PGR: variants seen among roughly 807,000 people sequenced by gnomAD.
The protein encoded by PGR is progesterone receptor, also known as nuclear receptor subfamily 3 group C member 3.
In PGR, 25 loss-of-function variants were observed where a neutral mutation model predicts 76.1. The ratio of observed to expected loss-of-function variants is 0.33; its 90% confidence interval spans 0.24 to 0.46. PGR has a LOEUF of 0.46. Ranked by LOEUF, PGR falls within the 20% of genes least tolerant of loss-of-function variation. The pLI, the probability that PGR is intolerant of heterozygous loss-of-function variation, is 1.00. For missense variants in PGR, 1,172 were observed against 1,225.3 expected (o/e 0.96, Z 0.65); for synonymous variants, 579 against 535.0 (o/e 1.08, Z -1.14).
Position 101,128,741 on chromosome 11 carries a change from C to A in PGR, c.330G>T (p.Leu110=). ...SSSPPEKDSG[L]LDSVLDTLLA... ...ACAGAGTGTCCAAGACACTGTCCAG[C>A]AGTCCGCTGTCCTTTTCTGGGGGAC... The change falls in exon 1 of 8, where the codon CTG becomes CTT. Residue 110 remains leucine, a synonymous_variant. Coordinates refer to ENST00000325455, the MANE Select transcript of PGR (RefSeq NM_000926.4). 6.2e-7 allele frequency: 1 copy of A among 1,613,340 alleles called. No individual in the cohort carries two copies.
intron 7 of PGR, among the ~76,000 whole-genome samples, chr11:101,040,079 G>GT (rs915203801): frequency 2.0e-5 from 3 of 151,806 alleles, no homozygotes; most frequent in Non-Finnish European, 4.4e-5. Context: ...TTTTTTTATG[G>GT]TTTTCTGCTG....
chr11:101,069,544 T>C (rs201562136), intron 3 of PGR, among the ~76,000 whole-genome samples: 1 of 113,010 alleles, frequency 8.8e-6, no homozygotes, highest in African/African-American at 3.0e-5. Flanking sequence ...CATTGTACCA[T>C]AAGACACATG....
chr11:101,069,672 T>C (rs11600372), intron 3 of PGR, among the ~76,000 whole-genome samples: 17,685 of 152,206 alleles, frequency 0.12, 1,337 homozygotes, highest in Non-Finnish European at 0.16. Context: ...TGGAATACTA[T>C]GCAGCCATCA....
chr11:101,077,346 T>C (rs1861162077), intron 3 of PGR, among the ~76,000 whole-genome samples: 1 of 152,168 alleles, frequency 6.6e-6, no homozygotes, highest in Admixed American at 6.6e-5. Context: ...CTTCCATTTT[T>C]CAGGATTCAC....
Position 101,062,740 on chromosome 11 carries a change from T to G in PGR, c.1919A>C (p.Lys640Thr), listed in dbSNP as rs970530941. The change falls in exon 4 of 8, where the codon AAA becomes ACA. Residue 640 changes from lysine (K) to threonine (T), a missense_variant. Lys to Thr is a moderately conservative substitution (Grantham distance 78). This residue lies in a region of PGR where 73 missense variants were observed against 60.7 expected (regional missense o/e 1.20). Coordinates refer to ENST00000325455, the MANE Select transcript of PGR (RefSeq NM_000926.4). ...AGMVLGGRKFKKFNKVRVVRA... is the reference protein window; with the variant it reads ...AGMVLGGRKFTKFNKVRVVRA... ...CACAACTCTGACTTTATTGAACTTT[T>G]TAAATTTTCGACCTACAGAGAAGAA... is the stretch of plus-strand genomic sequence containing the variant. The G allele has an allele frequency of 6.2e-7, 1 of 1,611,902 alleles. No homozygotes were observed.
At position 101,036,542 on chromosome 11, in the gene PGR, T is replaced by A. The variant is rs1260843021; in HGVS notation, c.*2574A>T. ...AAATGAAGATAATGGTTATGATGAC[T>A]AAATAGTAATGGAGACATTAGTAGA... On this transcript the variant is annotated 3_prime_UTR_variant, in exon 8 of 8. Transcript: ENST00000325455. 5.0e-6 allele frequency: 1 copy of A among 198,890 alleles called. No individual in the cohort carries two copies. The highest frequency in any genetic ancestry group is 2.3e-5 in the African/African-American group (1 of 43,458). 12.3% of individuals were successfully genotyped at this position (198,890 alleles called of 1,614,324 possible).
intron 2 of PGR, among the ~76,000 whole-genome samples, chr11:101,106,480 G>A (rs572352857): frequency 6.6e-6 from 1 of 152,274 alleles, no homozygotes; most frequent in South Asian, 2.1e-4. Flanking sequence ...ATCATCACTA[G>A]TCATTAGAGA....
intron 4 of PGR, among the ~76,000 whole-genome samples, chr11:101,054,894 A>G (rs889325200): frequency 4.6e-5 from 7 of 152,118 alleles, no homozygotes; most frequent in Non-Finnish European, 8.8e-5. Context: ...TATGAAATCC[A>G]CCAGTCAGTT....
At position 101,037,662 on chromosome 11, in the gene PGR, G is replaced by C. The variant is rs1382743951; in HGVS notation, c.*1454C>G. 3 of 225,922 alleles carry C rather than the reference G, an allele frequency of 1.3e-5. No individual in the cohort carries two copies. Among genetic ancestry groups the C allele is most frequent in the Non-Finnish European group, 2.6e-5 (3 of 113,586 alleles). 14.0% of individuals were successfully genotyped at this position (225,922 alleles called of 1,614,324 possible). On this transcript the variant is annotated 3_prime_UTR_variant, in exon 8 of 8. Transcript: ENST00000325455. ...CTATGTTATAGTCAGTAAAGGGAGA[G>C]ATCTCACAAAGTAGGAAGCAAAGGT...
rs193251848 is a variant in PGR at position 101,116,899 on chromosome 11, C to T, written c.1789+9108G>A. Among the ~76,000 whole-genome samples, 344 of 152,202 alleles carry T rather than the reference C, an allele frequency of 2.3e-3. 3 individuals are homozygous for T. Among genetic ancestry groups the T allele is most frequent in the African/African-American group, 7.5e-3 (310 of 41,530 alleles). ...TTACCCAGAATGATATTGTTCCTTGCTTTTTCATAAAATCAAATATTTTAG... is the reference window on the plus strand; with the variant it reads ...TTACCCAGAATGATATTGTTCCTTGTTTTTTCATAAAATCAAATATTTTAG... On this transcript the variant is annotated intron_variant, in intron 2 of 7. Transcript: ENST00000325455.
Position 101,062,516 on chromosome 11 carries a change from G to A in PGR, c.2143C>T (p.Leu715=), listed in dbSNP as rs2135411088. 6.2e-6 allele frequency: 10 copies of A among 1,613,986 alleles called. No homozygotes were observed. Among genetic ancestry groups the A allele is most frequent in the Non-Finnish European group, 8.5e-6 (10 of 1,179,908 alleles). ...NTKPDTSSSL[L]TSLNQLGERQ... ...TCGCCTAGTTGATTAAGACTTGTCA[G>A]CAAAGAACTGGAGGTGTCAGGTTTT... Residue 715 remains leucine (L), a synonymous_variant, in exon 4 of 8, where the codon CTG becomes TTG. Transcript: ENST00000325455.
At chr11:101,088,710 T>C (rs1056888978) in intron 3 of PGR, among the ~76,000 whole-genome samples, 1 of 152,132 alleles carries the variant, frequency 6.6e-6, no homozygotes, top group South Asian at 2.1e-4. Context: ...AATAAATTGT[T>C]CTACTAGAAA....
In PGR at chr11:101,033,090, T is replaced by C. The variant is rs1859400830; in HGVS notation, c.*6026A>G. The stretch of plus-strand genomic sequence containing the variant: ...AGGCTTTAACTTAAACCCTTTGTGC[T>C]GATTTTTCTTATAAACATGCACAAC... On this transcript the variant is annotated 3_prime_UTR_variant, in exon 8 of 8. Transcript: ENST00000325455. The C allele has an allele frequency of 9.8e-6, 2 of 204,826 alleles. No homozygotes were observed. The highest frequency in any genetic ancestry group is 2.0e-5 in the Non-Finnish European group (2 of 100,110). 12.7% of individuals were successfully genotyped at this position (204,826 alleles called of 1,614,324 possible). A position where few individuals can be genotyped will look rare whatever the true frequency, so the allele number is the denominator to read the frequency against.
intron 3 of PGR, among the ~76,000 whole-genome samples, chr11:101,066,194 C>T (rs1860708159): frequency 6.6e-6 from 1 of 152,202 alleles, no homozygotes; most frequent in African/African-American, 2.4e-5. Context: ...GGTCATTCCT[C>T]TCCTTATCCC....
In PGR at chr11:101,029,721, T is replaced by A. The variant is rs1259634962; in HGVS notation, c.*9395A>T. 4.7e-6 allele frequency: 1 copy of A among 213,792 alleles called. No individual in the cohort carries two copies. Among genetic ancestry groups the A allele is most frequent in the Non-Finnish European group, 9.4e-6 (1 of 105,962 alleles). The allele number at this position is 213,792 out of a possible 1,614,324, so 13.2% of individuals were successfully genotyped here. ...AAAACATTATGTGAAGATGATTCAT[T>A]TCAAACCACCAGCCAATTTAACATA... On this transcript the variant is annotated 3_prime_UTR_variant, in exon 8 of 8. Transcript: ENST00000325455.
At chr11:101,084,819 G>T (rs1293246094) in intron 3 of PGR, among the ~76,000 whole-genome samples, 1 of 151,996 alleles carries the variant, frequency 6.6e-6, no homozygotes, top group Non-Finnish European at 1.5e-5. Context: ...AAAGAGCAGG[G>T]GTTGCTATTC....
chr11:101,049,782 T>C lies in PGR; in HGVS notation c.2488+147A>G, dbSNP rs114623624. ...AAAAAATCCAGTAATTTTATTAATG[T>C]CTATAACAATATATTGGGTATTTCT... On this transcript the variant is annotated intron_variant, in intron 6 of 7. Coordinates refer to ENST00000325455, the MANE Select transcript of PGR (RefSeq NM_000926.4). The C allele has an allele frequency of 1.2e-3, 723 of 614,132 alleles. 3 individuals carry two copies. The highest frequency in any genetic ancestry group is 0.011 in the African/African-American group (582 of 53,986). 38.0% of individuals were successfully genotyped at this position (614,132 alleles called of 1,614,324 possible).
intron 2 of PGR, among the ~76,000 whole-genome samples, chr11:101,123,027 A>G (rs749900662): frequency 2.0e-5 from 3 of 152,052 alleles, no homozygotes; most frequent in Non-Finnish European, 2.9e-5. Flanking sequence ...TGCATTTCCT[A>G]TTATGAGAAA....
rs1323936999 is a variant in PGR, at chr11:101,127,778, T to C, written c.1293A>G (p.Pro431=). The change falls in exon 1 of 8, where the codon CCA becomes CCG. Residue 431 remains proline (P), a synonymous_variant. Coordinates refer to ENST00000325455, the MANE Select transcript of PGR (RefSeq NM_000926.4). The part of the protein sequence containing the change: ...PPPPLPPRAT[P]SRPGEAAVTA... ...TCACCGCCGCTTCCCCGGGTCTGGA[T>C]GGGGTCGCTCGCGGCGGCAGCGGGG... 2 of 1,563,532 alleles carry C rather than the reference T, an allele frequency of 1.3e-6. No homozygotes were observed. Among genetic ancestry groups the C allele is most frequent in the South Asian group, 2.3e-5 (2 of 86,504 alleles).
Sources: allele counts gnomAD v4.1 joint callset (sites outside exome capture counted in the v4.1 genomes callset), GRCh38; gene constraint gnomAD v4.1.1; regional missense constraint gnomAD v4.1.1; transcripts MANE v1.5; gene names NCBI Gene and HGNC (gene_info 2026-07-23, HGNC 2026-07-21).